The following LARP4B variants were observed in gnomAD, a reference collection of about 807,000 sequenced individuals.
LARP4B encodes La ribonucleoprotein 4B.
In LARP4B, 12 loss-of-function variants were observed where a neutral mutation model predicts 89.8. The ratio of observed to expected loss-of-function variants is 0.13; its 90% CI spans 0.09 to 0.22. The LOEUF (loss-of-function observed/expected upper bound fraction) is 0.22. LARP4B is among the 10% of genes least tolerant of loss of function. The pLI, the probability that LARP4B is intolerant of heterozygous loss-of-function variation, is 1.00. For synonymous variants in LARP4B, 367 were observed against 363.3 expected (o/e 1.01, Z -0.12); for missense variants, 757 against 947.7 (o/e 0.80, Z 2.64).
In LARP4B at chr10:811,408, C is replaced by T. The variant is rs1356501259; in HGVS notation, c.*1518G>A. The T allele has an allele frequency of 1.3e-5, 2 of 152,572 alleles. No individual in the cohort carries two copies. Among genetic ancestry groups the T allele is most frequent in the African/African-American group, 4.8e-5 (2 of 41,428 alleles). The allele number at this position is 152,572 out of a possible 1,614,324, so 9.5% of individuals were successfully genotyped here. On this transcript the variant is annotated 3_prime_UTR_variant, in exon 18 of 18. Coordinates refer to ENST00000316157, the MANE Select transcript of LARP4B (RefSeq NM_015155.3). ...TGACTATTTGCATTTACAGGATTTTCCAACATTCTGAAAAAAGATCAACTG... is the reference window on the plus strand; with the variant it reads ...TGACTATTTGCATTTACAGGATTTTTCAACATTCTGAAAAAAGATCAACTG...
the LARP4B span, chr10:971,201 A>G: frequency 2.0e-5 from 3 of 152,220 alleles, no homozygotes; most frequent in Non-Finnish European, 4.4e-5. Context: ...TCTAATATCA[A>G]AGCAGGGAAA....
At chr10:917,924 T>C (rs1836868309) in intron 1 of LARP4B, among the ~76,000 whole-genome samples, 1 of 152,190 alleles carries the variant, frequency 6.6e-6, no homozygotes, top group Non-Finnish European at 1.5e-5. Flanking sequence ...AAATGGGGAC[T>C]GGAGAGAGAA....
Position 900,274 on chromosome 10 carries a change from GAGA to G in LARP4B, c.-39-14517_-39-14515del, listed in dbSNP as rs1205532673. 4.6e-5 allele frequency among the ~76,000 whole-genome samples: 7 copies of G among 152,088 alleles called. No individual in the cohort carries two copies. In the South Asian group the frequency reaches 6.2e-4, roughly 14 times the overall value. On this transcript the variant is annotated intron_variant, in intron 1 of 17. Transcript: ENST00000316157. ...AGGCAGGAGAATTGCTTGAACCTGG[GAGA>G]AGAAGGTTGCAGTGAGCCAAGATCG...
At chr10:829,309 T>A in intron 11 of LARP4B, 76 bp downstream of exon 11, 1 of 1,248,946 alleles carries the variant, frequency 8.0e-7, no homozygotes, top group African/African-American at 1.5e-5. Flanking sequence ...GGCTTCCTAT[T>A]AGATGAGGAT....
chr10:813,269 C>G (rs1831840848), intron 17 of LARP4B, 56 bp from the exon 18 acceptor site: 2 of 1,484,848 alleles, frequency 1.3e-6, no homozygotes, highest in Non-Finnish European at 1.8e-6. Context: ...AGGGACAAGA[C>G]AGGAAATCAA....
chr10:939,159 T>C, the LARP4B span, among the ~76,000 whole-genome samples: 1 of 152,240 alleles, frequency 6.6e-6, no homozygotes, highest in South Asian at 2.1e-4. Flanking sequence ...TTCCTGGCTG[T>C]AGGAAAGAGC....
At chr10:888,696 T>C (rs906634105) in intron 1 of LARP4B, among the ~76,000 whole-genome samples, 1 of 152,166 alleles carries the variant, frequency 6.6e-6, no homozygotes, top group African/African-American at 2.4e-5. Context: ...ACGTACCTAA[T>C]TTTGGGTGAG....
chr10:870,377 C>T (rs527540692), intron 3 of LARP4B, among the ~76,000 whole-genome samples: 17 of 152,270 alleles, frequency 1.1e-4, no homozygotes, highest in Non-Finnish European at 2.5e-4. Context: ...TAAAATGTGG[C>T]CACTACTTGG....
chr10:954,713 G>A, the LARP4B span, among the ~76,000 whole-genome samples: 1 of 152,250 alleles, frequency 6.6e-6, no homozygotes, highest in East Asian at 1.9e-4. The surrounding 1 kb of genome is among the most constrained non-coding windows in gnomAD (Gnocchi z 5.0). Context: ...CACTGCTGGT[G>A]CGACACATGC....
chr10:965,081 G>T, the LARP4B span, among the ~76,000 whole-genome samples: 1 of 152,200 alleles, frequency 6.6e-6, no homozygotes, highest in South Asian at 2.1e-4. Context: ...GGGAGTGGAC[G>T]GGGGACCTGC....
chr10:938,889 T>C, the LARP4B span, among the ~76,000 whole-genome samples: 1 of 152,216 alleles, frequency 6.6e-6, no homozygotes, highest in East Asian at 1.9e-4. Context: ...GTATTATGTT[T>C]AGGATTTTCT....
At chr10:830,743 C>T in intron 9 of LARP4B, 124 bp downstream of exon 9, 2 of 579,996 alleles carry the variant, frequency 3.4e-6, no homozygotes, top group Non-Finnish European at 6.3e-6. Flanking sequence ...TTGATTTCCT[C>T]TGCAGATTAT....
the LARP4B span, among the ~76,000 whole-genome samples, chr10:983,898 C>A: frequency 2.6e-5 from 4 of 152,130 alleles, no homozygotes; most frequent in Non-Finnish European, 5.9e-5. Context: ...TATTTTTATA[C>A]TTCTATGCTT....
At chr10:847,129 G>A (rs1833814067) in intron 5 of LARP4B, among the ~76,000 whole-genome samples, 1 of 152,194 alleles carries the variant, frequency 6.6e-6, no homozygotes, top group Non-Finnish European at 1.5e-5. Context: ...GGGAATGGAA[G>A]CAAGGAGATG....
At chr10:922,675 T>TTAAATAAATAAATAAATAAA (rs370807617) in intron 1 of LARP4B, among the ~76,000 whole-genome samples, 2 of 146,194 alleles carry the variant, frequency 1.4e-5, no homozygotes, top group African/African-American at 2.6e-5. Flanking sequence ...ACCCCGTCTG[T>TTAAATAAATAAATAAATAAA]TAAATAAATA....
the LARP4B span, among the ~76,000 whole-genome samples, chr10:943,741 G>A: frequency 1.3e-5 from 2 of 152,178 alleles, no homozygotes; most frequent in Non-Finnish European, 2.9e-5. Flanking sequence ...ATGGAGTGGA[G>A]GGAAGGTGCA....
chr10:976,224 G>A, the LARP4B span, among the ~76,000 whole-genome samples: 2 of 144,480 alleles, frequency 1.4e-5, no homozygotes, highest in African/African-American at 5.2e-5. Flanking sequence ...TAGAATGTAG[G>A]CCTATCATGC....
chr10:902,696 G>A (rs1419243098), intron 1 of LARP4B, among the ~76,000 whole-genome samples: 2 of 150,578 alleles, frequency 1.3e-5, no homozygotes, highest in Non-Finnish European at 2.9e-5. Flanking sequence ...CCAGGCTGGA[G>A]CGCAATGGTG....
Position 814,906 on chromosome 10 carries a change from T to G in LARP4B, c.1820+40A>C, listed in dbSNP as rs1171240854. ...CATGCAACATCACAGGCCATTCAAG[T>G]CAGTCAACACCAAGGCGCTGGAAGA... On this transcript the variant is annotated intron_variant, in intron 16 of 17. Coordinates refer to ENST00000316157, the MANE Select transcript of LARP4B (RefSeq NM_015155.3). This position sits in a 1 kb window ranked among gnomAD's most constrained non-coding sequence, Gnocchi z 4.4. 1 of 1,577,488 alleles carries G rather than the reference T, an allele frequency of 6.3e-7. No homozygotes were observed. The highest frequency in any genetic ancestry group is 8.6e-7 in the Non-Finnish European group (1 of 1,157,124).
Sources: gnomAD v4.1 joint callset for allele counts (sites outside exome capture counted in the v4.1 genomes callset) on GRCh38, gnomAD v4.1.1 for gene constraint, Gnocchi (gnomAD v3.1) non-coding constraint, MANE v1.5 for transcripts, NCBI Gene and HGNC (gene_info 2026-07-23, HGNC 2026-07-21) for gene names.